The following MYBPH variants were observed in gnomAD, a reference collection of about 807,000 sequenced individuals.
The protein encoded by MYBPH is myosin-binding protein H.
MYBPH carries 49 observed loss-of-function variants against 53.6 expected under a neutral mutation model. The observed-to-expected ratio is 0.91, with a 90% CI of 0.73 to 1.16. The LOEUF (loss-of-function observed/expected upper bound fraction) is 1.16, where lower values mean the gene tolerates loss of function less well. Among genes scored for constraint, MYBPH ranks in the 50% most tolerant of loss-of-function variants. MYBPH has a pLI of 0.00. For synonymous variants in MYBPH, 239 were observed against 249.6 expected, an observed-to-expected ratio of 0.96 and a Z score of 0.40; for missense variants, 558 against 624.1, an observed-to-expected ratio of 0.89 and a Z score of 1.13.
At position 203,171,210 on chromosome 1, in the gene MYBPH, C is replaced by A. The variant is rs1189123206; in HGVS notation, c.794-10G>T. ...GGGGGTCCAGGTTTCTCTGTAGGCC[C>A]AGAGTGTGAGAGGAAGTGAGTGTGA... On this transcript the variant is annotated splice_polypyrimidine_tract_variant and intron_variant, in intron 5 of 10. Transcript: ENST00000255416. The surrounding 1 kb of genome is among the most constrained non-coding windows in gnomAD (Gnocchi z 4.2). 1.6e-5 allele frequency: 26 copies of A among 1,581,842 alleles called. No homozygotes were observed. Among genetic ancestry groups the A allele is most frequent in the Non-Finnish European group, 2.1e-5 (24 of 1,165,342 alleles).
Position 203,175,720 on chromosome 1 carries a change from G to A in MYBPH, c.36C>T (p.Cys12=). The change falls in exon 1 of 11, where the codon TGC becomes TGT. Residue 12 remains cysteine, a synonymous_variant. Transcript: ENST00000255416. The stretch of plus-strand genomic sequence containing the variant: ...ATTCAGATGCGGTCTCCTCTGGACT[G>A]CAGGCAGGGCCCTCGGAGGTGTTTT... The part of the protein sequence containing the change: ...MEKNTSEGPA[C]SPEETASESA... 3 of 1,614,086 alleles carry A rather than the reference G, an allele frequency of 1.9e-6. No homozygotes were observed. Among genetic ancestry groups the A allele is most frequent in the Non-Finnish European group, 2.5e-6 (3 of 1,179,998 alleles).
In MYBPH at chr1:203,175,558, T is replaced by C. The variant is rs1655790725; in HGVS notation, c.198A>G (p.Pro66=). The C allele has an allele frequency of 6.2e-7, 1 of 1,613,522 alleles. No individual in the cohort carries two copies. The highest frequency in any genetic ancestry group is 8.5e-7 in the Non-Finnish European group (1 of 1,179,848). Residue 66 remains proline (P), a synonymous_variant, in exon 1 of 11, where the codon CCA becomes CCG. Transcript: ENST00000255416. The part of the protein sequence containing the change: ...TASTATKPAP[P]SEDVPSAPLL... ...TGCCCCACCTTCAGTCACCTTCACT[T>C]GGGGGTGCAGGCTTAGTGGCTGTGG...
In MYBPH at chr1:203,171,508, C is replaced by A; in HGVS notation, c.668G>T (p.Arg223Leu). The A allele has an allele frequency of 6.2e-7, 1 of 1,613,820 alleles. No individual in the cohort carries two copies. ...HALDSQRVSM[R>L]TGDQDSILFI... ...GAGGATGGAGTCCTGGTCCCCGGTG[C>A]GCATGCTCACCCGCTGGCTGTCCAG... Residue 223 changes from arginine to leucine, a missense_variant, in exon 5 of 11, where the codon CGC (arginine) becomes CTC (leucine). Physicochemically the swap from Arg to Leu is moderately radical, Grantham distance 102 (BLOSUM62 -2). Transcript: ENST00000255416. This position sits in a 1 kb window ranked among gnomAD's most constrained non-coding sequence, Gnocchi z 4.2.
In MYBPH at chr1:203,171,259, C is replaced by G. The variant is rs1655689821; in HGVS notation, c.794-59G>C. 3 of 1,551,530 alleles carry G rather than the reference C, an allele frequency of 1.9e-6. No individual in the cohort carries two copies. The highest frequency in any genetic ancestry group is 2.6e-6 in the Non-Finnish European group (3 of 1,147,152). ...GAGGGCCAGGCTGGCCACAGAGCCC[C>G]CACACCCAAAATTTGGCTCTTGCCA... On this transcript the variant is annotated intron_variant, in intron 5 of 10. Coordinates refer to ENST00000255416, the MANE Select transcript of MYBPH (RefSeq NM_004997.3). This position sits in a 1 kb window ranked among gnomAD's most constrained non-coding sequence, Gnocchi z 4.2.
At chr1:203,177,756 AC>A (rs1313168737), upstream of MYBPH, among the ~76,000 whole-genome samples, 1 of 152,240 alleles carries the variant, frequency 6.6e-6, no homozygotes, top group Admixed American at 6.5e-5. Flanking sequence ...TTGGCTGCCC[AC>A]AAGGGCTTGC....
rs202071571 is a variant in MYBPH, at chr1:203,175,637, C to G, written c.119G>C (p.Arg40Thr). Reference sequence around the variant, plus strand: ...CTGCGGCTTGGGCACCTGCTCTTCTCTGGTGGACTCTGATACTGCCACTTC... The same window carrying G: ...CTGCGGCTTGGGCACCTGCTCTTCTGTGGTGGACTCTGATACTGCCACTTC... ...PGEVAVSEST[R>T]EEQVPKPQAP... The change falls in exon 1 of 11, where the codon AGA becomes ACA. Residue 40 changes from arginine to threonine, a missense_variant. Transcript: ENST00000255416. 9.9e-6 allele frequency: 16 copies of G among 1,614,100 alleles called. No homozygotes were observed. The Admixed American group carries it at 2.3e-4, about 24-fold the overall frequency.
At chr1:203,170,220 G>A in intron 7 of MYBPH, 71 bp downstream of exon 7, 10 of 1,575,680 alleles carry the variant, frequency 6.3e-6, no homozygotes, top group Non-Finnish European at 8.6e-6. Context: ...AGAGAGAGGG[G>A]TGCAGAGACG....
chr1:203,170,935 T>A, intron 6 of MYBPH, 126 bp downstream of exon 6: 1 of 1,289,966 alleles, frequency 7.8e-7, no homozygotes. Context: ...TCCTAGGGAG[T>A]CAGGTTAGCA....
Position 203,175,647 on chromosome 1 carries a change from C to T in MYBPH, c.109G>A (p.Glu37Lys). The change falls in exon 1 of 11, where the codon GAG becomes AAG. Residue 37 changes from glutamate (E) to lysine (K), a missense_variant. Physicochemically the swap from Glu to Lys is moderately conservative, Grantham distance 56. Coordinates refer to ENST00000255416, the MANE Select transcript of MYBPH (RefSeq NM_004997.3). The part of the protein sequence containing the change: ...AEPPGEVAVS[E>K]STREEQVPKP... ...GGCACCTGCTCTTCTCTGGTGGACT[C>T]TGATACTGCCACTTCTCCGGGAGGC... The T allele has an allele frequency of 2.5e-6, 4 of 1,614,104 alleles. No individual in the cohort carries two copies. Among genetic ancestry groups the T allele is most frequent in the Non-Finnish European group, 3.4e-6 (4 of 1,180,026 alleles).
chr1:203,168,264 T>G (rs1655621539), intron 10 of MYBPH, among the ~76,000 whole-genome samples, 173 bp from the exon 11 acceptor site: 1 of 152,316 alleles, frequency 6.6e-6, no homozygotes, highest in Admixed American at 6.5e-5. Context: ...ACTTCCGTAC[T>G]TATGCAGAGC....
chr1:203,178,466 G>A (rs537688940), upstream of MYBPH, among the ~76,000 whole-genome samples: 1 of 152,302 alleles, frequency 6.6e-6, no homozygotes, highest in South Asian at 2.1e-4. Context: ...CTCCAGTCCC[G>A]AGAGGCAGGA....
chr1:203,171,030 C>G lies in MYBPH; in HGVS notation c.933+31G>C. On this transcript the variant is annotated intron_variant, in intron 6 of 10. Coordinates refer to ENST00000255416, the MANE Select transcript of MYBPH (RefSeq NM_004997.3). This position sits in a 1 kb window ranked among gnomAD's most constrained non-coding sequence, Gnocchi z 4.2. ...CCCCACCACCTTGACCACTTCGTAC[C>G]CCGACCCCACTTTGCCTCAGCCAGC... is the stretch of plus-strand genomic sequence containing the variant. 1 of 1,555,042 alleles carries G rather than the reference C, an allele frequency of 6.4e-7. No individual in the cohort carries two copies. The highest frequency in any genetic ancestry group is 1.4e-5 in the African/African-American group (1 of 73,144).
At chr1:203,177,247 A>G (rs927930900), upstream of MYBPH, among the ~76,000 whole-genome samples, 1 of 152,256 alleles carries the variant, frequency 6.6e-6, no homozygotes, top group Non-Finnish European at 1.5e-5. Context: ...GAACAGGGAT[A>G]TCTGTGATCG....
chr1:203,172,841 C>T (rs1226086575), intron 3 of MYBPH, among the ~76,000 whole-genome samples: 1 of 152,180 alleles, frequency 6.6e-6, no homozygotes, highest in African/African-American at 2.4e-5. Flanking sequence ...AAACAGGTGG[C>T]AGCAGTTGGT....
At chr1:203,173,092 C>T (rs1266316039) in intron 3 of MYBPH, among the ~76,000 whole-genome samples, 1 of 152,216 alleles carries the variant, frequency 6.6e-6, no homozygotes, top group Non-Finnish European at 1.5e-5. Context: ...CACTTGTTCA[C>T]AGCCTCCTCT....
chr1:203,171,012 A>G lies in MYBPH; in HGVS notation c.933+49T>C, dbSNP rs758988985. 40 of 1,534,558 alleles carry G rather than the reference A, an allele frequency of 2.6e-5. No individual in the cohort carries two copies. Among genetic ancestry groups the G allele is most frequent in the Non-Finnish European group, 3.3e-5 (38 of 1,142,054 alleles). ...CTCAGTGGGATGGGCCTTCCCCACC[A>G]CCTTGACCACTTCGTACCCCGACCC... is the stretch of plus-strand genomic sequence containing the variant. On this transcript the variant is annotated intron_variant, in intron 6 of 10. Transcript: ENST00000255416. This position sits in a 1 kb window ranked among gnomAD's most constrained non-coding sequence, Gnocchi z 4.2.
At chr1:203,172,701 T>C (rs1655723412) in intron 3 of MYBPH, among the ~76,000 whole-genome samples, 1 of 152,182 alleles carries the variant, frequency 6.6e-6, no homozygotes, top group South Asian at 2.1e-4. Context: ...TGCTAAGGAA[T>C]GACATTCTGA....
chr1:203,175,233 C>T, intron 2 of MYBPH, 94 bp downstream of exon 2: 1 of 1,458,558 alleles, frequency 6.9e-7, no homozygotes, highest in South Asian at 1.7e-5. Flanking sequence ...TGTATCTCTC[C>T]CAGACTGACC....
At chr1:203,172,240 G>A (rs554829859) in intron 3 of MYBPH, among the ~76,000 whole-genome samples, 200 bp from the exon 4 acceptor site, 1 of 152,120 alleles carries the variant, frequency 6.6e-6, no homozygotes, top group African/African-American at 2.4e-5. Flanking sequence ...CCTTAAGGGA[G>A]CAGGAGGTTT....
Sources: gnomAD v4.1 joint callset for allele counts (sites outside exome capture counted in the v4.1 genomes callset) on GRCh38, gnomAD v4.1.1 for gene constraint, Gnocchi (gnomAD v3.1) non-coding constraint, MANE v1.5 for transcripts, NCBI Gene and HGNC (gene_info 2026-07-23, HGNC 2026-07-21) for gene names.